Variants in OR1J2 observed in about 807,000 individuals in gnomAD.
OR1J2 encodes the protein olfactory receptor family 1 subfamily J member 2.
For missense variants in OR1J2, 304 were observed against 246.1 expected, an observed-to-expected ratio of 1.24 and a Z score of -1.57; for synonymous variants, 142 against 99.7, an observed-to-expected ratio of 1.42 and a Z score of -2.52.
the OR1J2 span, among the ~76,000 whole-genome samples, chr9:122,530,955 G>A: frequency 0.061 from 9,338 of 152,232 alleles, 363 homozygotes; most frequent in South Asian, 0.18. Flanking sequence ...GGATGTGTAC[G>A]CGCAGGTCAC....
chr9:122,476,800 G>A, the OR1J2 span, among the ~76,000 whole-genome samples: 1 of 152,040 alleles, frequency 6.6e-6, no homozygotes, highest in Non-Finnish European at 1.5e-5. Context: ...CCGCCTCCTG[G>A]GTTCAAGTGA....
At chr9:122,471,944 A>G in the OR1J2 span, among the ~76,000 whole-genome samples, 1 of 152,230 alleles carries the variant, frequency 6.6e-6, no homozygotes, top group African/African-American at 2.4e-5. Context: ...ACTACTGTAC[A>G]TAACTTAAGC....
the OR1J2 span, among the ~76,000 whole-genome samples, chr9:122,481,377 T>G: frequency 1.1e-4 from 16 of 151,986 alleles, no homozygotes; most frequent in Admixed American, 5.2e-4. Flanking sequence ...GAAGTTTCAT[T>G]ACGACAGCAA....
chr9:122,462,791 C>T, the OR1J2 span, among the ~76,000 whole-genome samples: 1 of 152,172 alleles, frequency 6.6e-6, no homozygotes, highest in African/African-American at 2.4e-5. Flanking sequence ...GAGAAATCTG[C>T]TCTGTTTGTC....
the OR1J2 span, among the ~76,000 whole-genome samples, chr9:122,476,351 A>C: frequency 6.6e-6 from 1 of 152,224 alleles, no homozygotes; most frequent in Non-Finnish European, 1.5e-5. Context: ...AGAGGTGTGA[A>C]GGGCCAGACA....
chr9:122,553,639 T>C, the OR1J2 span: 3 of 1,614,042 alleles, frequency 1.9e-6, no homozygotes, highest in Non-Finnish European at 2.5e-6. Flanking sequence ...AGTCCCCAGC[T>C]CTGTGCACTA....
chr9:122,532,364 G>A, the OR1J2 span, among the ~76,000 whole-genome samples: 1 of 152,218 alleles, frequency 6.6e-6, no homozygotes, highest in African/African-American at 2.4e-5. Flanking sequence ...GGTGTGTGGC[G>A]ATTAGGCCTG....
At chr9:122,530,437 T>A in the OR1J2 span, among the ~76,000 whole-genome samples, 1 of 151,978 alleles carries the variant, frequency 6.6e-6, no homozygotes, top group African/African-American at 2.4e-5. Flanking sequence ...ATACAGGGAG[T>A]CATGGGACAG....
the OR1J2 span, among the ~76,000 whole-genome samples, chr9:122,505,546 G>C: frequency 6.6e-6 from 1 of 152,080 alleles, no homozygotes; most frequent in Non-Finnish European, 1.5e-5. Flanking sequence ...GTTTTGAAGG[G>C]GACAGACATT....
the OR1J2 span, among the ~76,000 whole-genome samples, chr9:122,517,242 T>TA: frequency 6.6e-6 from 1 of 152,154 alleles, no homozygotes; most frequent in Non-Finnish European, 1.5e-5. Flanking sequence ...CAGTACAACA[T>TA]ACTACCCTCA....
At chr9:122,535,588 A>C in the OR1J2 span, among the ~76,000 whole-genome samples, 3 of 152,134 alleles carry the variant, frequency 2.0e-5, no homozygotes, top group African/African-American at 7.2e-5. Context: ...AGAGAGTAAA[A>C]AGAGGCCGCT....
chr9:122,551,573 A>G, the OR1J2 span, among the ~76,000 whole-genome samples: 1 of 152,184 alleles, frequency 6.6e-6, no homozygotes, highest in African/African-American at 2.4e-5. Flanking sequence ...TATAGGCAGG[A>G]GTTCCCAGGT....
At chr9:122,477,761 G>A in the OR1J2 span, 1 of 1,614,114 alleles carries the variant, frequency 6.2e-7, no homozygotes, top group Non-Finnish European at 8.5e-7. Flanking sequence ...ATGGGGGTGT[G>A]AAGGTGAGAG....
chr9:122,514,558 T>C (rs1372943726), downstream of OR1J2, among the ~76,000 whole-genome samples: 1 of 152,200 alleles, frequency 6.6e-6, no homozygotes, highest in Non-Finnish European at 1.5e-5. Context: ...TCTTTGCTAT[T>C]GTGAAGAGTG....
the OR1J2 span, chr9:122,568,174 T>A: frequency 6.2e-7 from 1 of 1,614,064 alleles, no homozygotes; most frequent in Non-Finnish European, 8.5e-7. Flanking sequence ...AGAAAATACA[T>A]CTGTGTCAGA....
chr9:122,567,661 C>A, the OR1J2 span: 3 of 1,614,084 alleles, frequency 1.9e-6, no homozygotes, highest in South Asian at 3.3e-5. Context: ...ATTGTTGCCA[C>A]GTGGTCCTTG....
the OR1J2 span, among the ~76,000 whole-genome samples, chr9:122,454,062 C>T: frequency 1.1e-4 from 17 of 152,330 alleles, no homozygotes; most frequent in South Asian, 3.1e-3. Context: ...CTCCAAATCT[C>T]GTACATAAGG....
At chr9:122,467,723 A>G in the OR1J2 span, among the ~76,000 whole-genome samples, 1 of 152,220 alleles carries the variant, frequency 6.6e-6, no homozygotes, top group South Asian at 2.1e-4. Context: ...TCTCTGTACC[A>G]GTCTTTGGAG....
At chr9:122,552,039 A>ACACTCTCTCTCTCTCT in the OR1J2 span, among the ~76,000 whole-genome samples, 7 of 89,386 alleles carry the variant, frequency 7.8e-5, no homozygotes, top group African/African-American at 3.0e-4. Flanking sequence ...GGACACATAC[A>ACACTCTCTCTCTCTCT]CACACACACA....
Sources: allele counts gnomAD v4.1 joint callset (sites outside exome capture counted in the v4.1 genomes callset), GRCh38; gene constraint gnomAD v4.1.1; transcripts MANE v1.5; gene names NCBI Gene and HGNC (gene_info 2026-07-23, HGNC 2026-07-21).